Variants in PPP1R16B observed in about 807,000 individuals in gnomAD.
The protein encoded by PPP1R16B is protein phosphatase 1 regulatory inhibitor subunit 16B.
A neutral mutation model predicts 61.7 loss-of-function variants in PPP1R16B; 14 were observed. The ratio of observed to expected loss-of-function variants is 0.23; its 90% CI spans 0.15 to 0.35. The LOEUF (loss-of-function observed/expected upper bound fraction) is 0.35, where lower values mean the gene tolerates loss of function less well. PPP1R16B is among the 10% of genes least tolerant of loss of function. The pLI, the probability that PPP1R16B is intolerant of heterozygous loss-of-function variation, is 1.00. For missense variants in PPP1R16B, 547 were observed against 752.5 expected (o/e 0.73, Z 3.19); for synonymous variants, 266 against 305.3 (o/e 0.87, Z 1.34).
chr20:38,829,164 G>C (rs1824279621), intron 1 of PPP1R16B, among the ~76,000 whole-genome samples: 1 of 152,198 alleles, frequency 6.6e-6, no homozygotes, highest in African/African-American at 2.4e-5. Flanking sequence ...TAAGGCTCTA[G>C]GGGAAGAGGT....
At chr20:38,811,589 G>A (rs1193273688) in intron 1 of PPP1R16B, among the ~76,000 whole-genome samples, 5 of 152,146 alleles carry the variant, frequency 3.3e-5, no homozygotes, top group Non-Finnish European at 7.3e-5. Flanking sequence ...ACTTATAATT[G>A]TGATTATATG....
At chr20:38,811,850 A>C (rs2084702829) in intron 1 of PPP1R16B, among the ~76,000 whole-genome samples, 1 of 152,192 alleles carries the variant, frequency 6.6e-6, no homozygotes, top group African/African-American at 2.4e-5. Flanking sequence ...TCTGATCCCA[A>C]ATATCAATAG....
chr20:38,856,099 G>A (rs2085007545), intron 2 of PPP1R16B, among the ~76,000 whole-genome samples: 1 of 151,148 alleles, frequency 6.6e-6, no homozygotes, highest in Non-Finnish European at 1.5e-5. Flanking sequence ...AGCTGGGGGT[G>A]GCAAAGTAGG....
intron 10 of PPP1R16B, among the ~76,000 whole-genome samples, chr20:38,910,202 G>A (rs1210330673): frequency 6.6e-6 from 1 of 152,108 alleles, no homozygotes; most frequent in Non-Finnish European, 1.5e-5. Context: ...TGGTGTTGAA[G>A]TTCTGACCTC....
intron 2 of PPP1R16B, among the ~76,000 whole-genome samples, chr20:38,867,103 G>A (rs1192662949): frequency 6.6e-6 from 1 of 152,120 alleles, no homozygotes; most frequent in East Asian, 1.9e-4. Context: ...TTTACATCTG[G>A]ATCATGTTAC....
chr20:38,897,686 TC>T (rs1327526094), intron 4 of PPP1R16B, among the ~76,000 whole-genome samples: 1 of 152,226 alleles, frequency 6.6e-6, no homozygotes, highest in Admixed American at 6.5e-5. Context: ...TATACTGTTT[TC>T]CACAACATGT....
intron 3 of PPP1R16B, among the ~76,000 whole-genome samples, chr20:38,894,946 G>A (rs2085323398): frequency 6.6e-6 from 1 of 152,208 alleles, no homozygotes; most frequent in Admixed American, 6.6e-5. Flanking sequence ...TCCTCGCAGG[G>A]ACTATCAGGA....
In PPP1R16B at chr20:38,906,283, G is replaced by GTTTTTTTT. The variant is rs907617949; in HGVS notation, c.822+210_822+217dup. Among the ~76,000 whole-genome samples, 3 of 101,260 alleles carry GTTTTTTTT rather than the reference G, an allele frequency of 3.0e-5. 1 individual carries two copies. Among genetic ancestry groups the GTTTTTTTT allele is most frequent in the African/African-American group, 3.3e-5 (1 of 30,232 alleles). The allele number at this position is 101,260 out of a possible 152,430, so 66.4% of individuals were successfully genotyped here. A position where few individuals can be genotyped will look rare whatever the true frequency, so the allele number is the denominator to read the frequency against. On this transcript the variant is annotated intron_variant, in intron 7 of 10. Transcript: ENST00000299824. The stretch of plus-strand genomic sequence containing the variant: ...AAAAACATTGGACAAAGCAAGTTGT[G>GTTTTTTTT]TTTTTTTTTTTTTTTTTTTTTTTTT...
At chr20:38,853,976 C>T (rs1481946369) in intron 2 of PPP1R16B, among the ~76,000 whole-genome samples, 1 of 152,160 alleles carries the variant, frequency 6.6e-6, no homozygotes, top group Non-Finnish European at 1.5e-5. Context: ...AGCTCAGAGT[C>T]AGTGTGGGAA....
intron 2 of PPP1R16B, among the ~76,000 whole-genome samples, chr20:38,843,683 T>A (rs1444018605): frequency 6.6e-6 from 1 of 152,224 alleles, no homozygotes; most frequent in Non-Finnish European, 1.5e-5. Context: ...AAGCTTCATC[T>A]TTTGAAGAGA....
intron 4 of PPP1R16B, among the ~76,000 whole-genome samples, chr20:38,895,986 C>CTTCTTTCTTCCCTCCCTCCCTCCTTT (rs2085339383): frequency 1.1e-5 from 1 of 92,272 alleles, no homozygotes; most frequent in African/African-American, 5.7e-5. Context: ...CTCCCTCCTT[C>CTTCTTTCTTCCCTCCCTCCCTCCTTT]CTTCTTTCTC....
intron 2 of PPP1R16B, among the ~76,000 whole-genome samples, chr20:38,851,336 A>C (rs941971552): frequency 3.3e-5 from 5 of 151,672 alleles, no homozygotes; most frequent in African/African-American, 1.2e-4. Context: ...ATGGTGGTGC[A>C]TGCCTGTAAT....
chr20:38,906,245 T>C (rs1010170125), intron 7 of PPP1R16B, 151 bp downstream of exon 7: 1 of 603,798 alleles, frequency 1.7e-6, no homozygotes, highest in Non-Finnish European at 2.4e-6. Context: ...TGAAAAGGCC[T>C]AGGGAGTTTG....
At chr20:38,874,610 A>T (rs928605532) in intron 2 of PPP1R16B, among the ~76,000 whole-genome samples, 1 of 152,134 alleles carries the variant, frequency 6.6e-6, no homozygotes, top group Non-Finnish European at 1.5e-5. Flanking sequence ...TCCAGGGTGG[A>T]AGTGGTTGGA....
At chr20:38,862,812 AC>A (rs2085062255) in intron 2 of PPP1R16B, among the ~76,000 whole-genome samples, 1 of 151,978 alleles carries the variant, frequency 6.6e-6, no homozygotes, top group Non-Finnish European at 1.5e-5. Flanking sequence ...TCTCCTGCCC[AC>A]TCCAGATTCC....
rs2085595318 is a variant in PPP1R16B at position 38,921,253 on chromosome 20, G to C, written c.*2587G>C. ...GGGAGCTTTCCCTGTAGGTCTCCTG[G>C]GTGTTGAGAGACAAGTTGGAGACCA... is the stretch of plus-strand genomic sequence containing the variant. On this transcript the variant is annotated 3_prime_UTR_variant, in exon 11 of 11. Transcript: ENST00000299824. 1 of 152,174 alleles carries C rather than the reference G, an allele frequency of 6.6e-6. No individual in the cohort carries two copies. The highest frequency in any genetic ancestry group is 2.4e-5 in the African/African-American group (1 of 41,440). The allele number at this position is 152,174 out of a possible 1,614,324, so 9.4% of individuals were successfully genotyped here.
At chr20:38,864,595 G>A (rs1184988045) in intron 2 of PPP1R16B, among the ~76,000 whole-genome samples, 1 of 152,156 alleles carries the variant, frequency 6.6e-6, no homozygotes, top group Non-Finnish European at 1.5e-5. Flanking sequence ...CTCAAGCAGT[G>A]GTGGTTTAGA....
rs2084658069 is a variant in PPP1R16B at position 38,806,044 on chromosome 20, G to T, written c.-102+252G>T. Among the ~76,000 whole-genome samples, 1 of 151,630 alleles carries T rather than the reference G, an allele frequency of 6.6e-6. No individual in the cohort carries two copies. The highest frequency in any genetic ancestry group is 2.1e-4 in the South Asian group (1 of 4,794). ...CCCGGCCTCGCAATTCCTTGACGAG[G>T]CCAGGGGAGGGGGCGCATTGGCAGG... On this transcript the variant is annotated intron_variant, in intron 1 of 10. Transcript: ENST00000299824. The surrounding 1 kb of genome is among the most constrained non-coding windows in gnomAD (Gnocchi z 4.5).
Position 38,857,944 on chromosome 20 carries a change from C to T in PPP1R16B, c.250+21769C>T, listed in dbSNP as rs188024581. On this transcript the variant is annotated intron_variant, in intron 2 of 10. Transcript: ENST00000299824. ...AAAATTATAGACTGGGTGGCGTAAACGATAGAAACGTATTTCCTTACAGTT... is the reference window on the plus strand; with the variant it reads ...AAAATTATAGACTGGGTGGCGTAAATGATAGAAACGTATTTCCTTACAGTT... Among the ~76,000 whole-genome samples the T allele has an allele frequency of 5.6e-3, 859 of 152,072 alleles. 3 individuals carry two copies. Among genetic ancestry groups the T allele is most frequent in the Non-Finnish European group, 9.2e-3 (624 of 68,002 alleles).
Sources: allele counts gnomAD v4.1 joint callset (sites outside exome capture counted in the v4.1 genomes callset), GRCh38; gene constraint gnomAD v4.1.1; non-coding constraint Gnocchi (gnomAD v3.1); transcripts MANE v1.5; gene names NCBI Gene and HGNC (gene_info 2026-07-23, HGNC 2026-07-21).